Variants in MED22 observed in about 807,000 individuals in gnomAD.
MED22 encodes the protein mediator complex subunit 22, also known as mediator of RNA polymerase II transcription subunit 22.
MED22 carries 22 observed loss-of-function variants against 22.7 expected under a neutral mutation model. The observed-to-expected ratio is 0.97, with a 90% CI of 0.69 to 1.38. The LOEUF is 1.38. MED22 is among the 40% of genes most tolerant of loss of function. The pLI is 0.00. For synonymous variants in MED22, 134 were observed against 119.4 expected (o/e 1.12, Z -0.80); for missense variants, 247 against 263.0 (o/e 0.94, Z 0.42).
rs2129948011 is a variant in MED22 at position 133,341,380 on chromosome 9, T to A, written c.*125A>T. On this transcript the variant is annotated 3_prime_UTR_variant, in exon 5 of 5. Transcript: ENST00000343730. The stretch of plus-strand genomic sequence containing the variant: ...TGGGCTAACGGGCTTCCCAAGGAAG[T>A]CCTAGTGGCTCTGGGGTCCTGAAGT... 1.2e-5 allele frequency: 13 copies of A among 1,079,764 alleles called. No homozygotes were observed. The African/African-American group carries it at 2.0e-4, about 17-fold the overall frequency. The allele number at this position is 1,079,764 out of a possible 1,614,324, so 66.9% of individuals were successfully genotyped here. A position where few individuals can be genotyped will look rare whatever the true frequency, so the allele number is the denominator to read the frequency against.
At chr9:133,343,683 C>T in intron 4 of MED22, 1 of 1,259,602 alleles carries the variant, frequency 7.9e-7, no homozygotes. Flanking sequence ...GAATTGCATC[C>T]CTGGTGCCCT....
In MED22 at chr9:133,339,254, T is replaced by A; in HGVS notation, c.*2251A>T. 1.4e-6 allele frequency: 1 copy of A among 704,564 alleles called. No individual in the cohort carries two copies. Among genetic ancestry groups the A allele is most frequent in the Non-Finnish European group, 2.6e-6 (1 of 378,704 alleles). 43.6% of individuals were successfully genotyped at this position (704,564 alleles called of 1,614,324 possible). A position where few individuals can be genotyped will look rare whatever the true frequency, so the allele number is the denominator to read the frequency against. ...GCAAGATTCTTGCCAAGAGAATGAA[T>A]GTGCATATTCAGCACACTAAGCACT... On this transcript the variant is annotated 3_prime_UTR_variant, in exon 5 of 5. Transcript: ENST00000343730.
intron 2 of MED22, among the ~76,000 whole-genome samples, chr9:133,345,772 G>C (rs2129966169): frequency 3.9e-5 from 6 of 152,232 alleles, no homozygotes; most frequent in African/African-American, 1.4e-4. Context: ...GCCAAGCGAG[G>C]CTGGATGGGG....
Position 133,339,089 on chromosome 9 carries a change from G to T in MED22, c.*2416C>A. 1.5e-6 allele frequency: 1 copy of T among 678,886 alleles called. No homozygotes were observed. The highest frequency in any genetic ancestry group is 3.0e-5 in the East Asian group (1 of 33,308). 42.1% of individuals were successfully genotyped at this position (678,886 alleles called of 1,614,324 possible). A position where few individuals can be genotyped will look rare whatever the true frequency, so the allele number is the denominator to read the frequency against. On this transcript the variant is annotated 3_prime_UTR_variant, in exon 5 of 5. Transcript: ENST00000343730. ...TCCTTTGGCCAAGTATATGCAAATT[G>T]ATGAGAAAGGTGATATTGTAGATAT...
intron 4 of MED22, chr9:133,343,659 G>A (rs1032766771): frequency 3.9e-5 from 49 of 1,254,220 alleles, no homozygotes; most frequent in Middle Eastern, 6.1e-4. Flanking sequence ...CTGGGGTTTG[G>A]TGACATCCAC....
chr9:133,341,846 T>A, intron 4 of MED22, 152 bp from the exon 5 acceptor site: 3 of 1,398,498 alleles, frequency 2.1e-6, no homozygotes, highest in Non-Finnish European at 2.8e-6. Context: ...ATCTGTCCCC[T>A]GAGTTGGCAG....
rs1479465897 is a variant in MED22, at chr9:133,343,430, T to C, written c.413+695A>G. The C allele has an allele frequency of 7.3e-6, 9 of 1,226,316 alleles. No homozygotes were observed. The African/African-American group carries it at 1.2e-4, about 17-fold the overall frequency. The allele number at this position is 1,226,316 out of a possible 1,614,324, so 76.0% of individuals were successfully genotyped here. A position where few individuals can be genotyped will look rare whatever the true frequency, so the allele number is the denominator to read the frequency against. ...CTCAGGGCCCCTCCAGCTCAAACGG[T>C]CGAAGGTTTCAGCTTCTTACGGAGC... On this transcript the variant is annotated intron_variant, in intron 4 of 4. Coordinates refer to ENST00000343730, the MANE Select transcript of MED22 (RefSeq NM_133640.5).
chr9:133,346,019 C>G (rs185409739), intron 2 of MED22, among the ~76,000 whole-genome samples: 1 of 152,246 alleles, frequency 6.6e-6, no homozygotes. Context: ...AACCTCACAA[C>G]GTGGCTTGAT....
Position 133,339,008 on chromosome 9 carries a change from AAG to A in MED22, c.*2495_*2496del. ...CGCCAAAATGACGAACACAAAGGGA[AAG>A]AGGAGAGGCACCCAATATATGTTCT... is the stretch of plus-strand genomic sequence containing the variant. On this transcript the variant is annotated 3_prime_UTR_variant, in exon 5 of 5. Transcript: ENST00000343730. The A allele has an allele frequency of 1.2e-6, 1 of 838,214 alleles. No homozygotes were observed. Among genetic ancestry groups the A allele is most frequent in the East Asian group, 2.9e-5 (1 of 34,988 alleles). The allele number at this position is 838,214 out of a possible 1,614,324, so 51.9% of individuals were successfully genotyped here.
intron 4 of MED22, chr9:133,343,824 G>C: frequency 7.1e-7 from 1 of 1,405,566 alleles, no homozygotes; most frequent in East Asian, 2.5e-5. Context: ...AAGGCTCTCG[G>C]AAGAGGGCCT....
rs2129948558 is a variant in MED22 at position 133,341,495 on chromosome 9, C to A, written c.*10G>T. The A allele has an allele frequency of 6.7e-7, 1 of 1,483,302 alleles. No individual in the cohort carries two copies. The highest frequency in any genetic ancestry group is 1.4e-5 in the South Asian group (1 of 70,042). The allele number at this position is 1,483,302 out of a possible 1,614,324, so 91.9% of individuals were successfully genotyped here. A position where few individuals can be genotyped will look rare whatever the true frequency, so the allele number is the denominator to read the frequency against. On this transcript the variant is annotated 3_prime_UTR_variant, in exon 5 of 5. Transcript: ENST00000343730. ...TTTTGTTCCTGAGAACGAAGCGTGG[C>A]CCCGGAGGCTCAGGCGTGCTCAGTG...
At chr9:133,346,728 C>G in intron 1 of MED22, 28 bp from the exon 2 acceptor site, 1 of 1,573,798 alleles carries the variant, frequency 6.4e-7, no homozygotes, top group Non-Finnish European at 8.6e-7. Context: ...CCTCTGAGTG[C>G]AGGCAGAGTC....
Position 133,348,050 on chromosome 9 carries a change from T to C in MED22, c.-167A>G, listed in dbSNP as rs1836251714. 2.6e-6 allele frequency: 2 copies of C among 760,326 alleles called. No homozygotes were observed. Among genetic ancestry groups the C allele is most frequent in the Non-Finnish European group, 4.4e-6 (2 of 451,964 alleles). 47.1% of individuals were successfully genotyped at this position (760,326 alleles called of 1,614,324 possible). A position where few individuals can be genotyped will look rare whatever the true frequency, so the allele number is the denominator to read the frequency against. On this transcript the variant is annotated 5_prime_UTR_variant, in exon 1 of 5. Transcript: ENST00000343730. ...CCTGGCCCTCCCGCCGCAGTCTCTCTTCCCCGCCGCGCCGCGGTCCGAAAA... is the reference window on the plus strand; with the variant it reads ...CCTGGCCCTCCCGCCGCAGTCTCTCCTCCCCGCCGCGCCGCGGTCCGAAAA...
chr9:133,343,779 A>G, intron 4 of MED22: 1 of 1,356,124 alleles, frequency 7.4e-7, no homozygotes, highest in Non-Finnish European at 9.5e-7. Flanking sequence ...AGGTAACAGG[A>G]GCAGCACAGC....
intron 1 of MED22, 51 bp from the exon 2 acceptor site, chr9:133,346,751 C>T: frequency 2.7e-6 from 4 of 1,479,974 alleles, no homozygotes; most frequent in Non-Finnish European, 2.7e-6. Flanking sequence ...CCCCAGCCAC[C>T]CTCTATGCCC....
In MED22 at chr9:133,341,639, C is replaced by T; in HGVS notation, c.469G>A (p.Asp157Asn). 1 of 1,606,414 alleles carries T rather than the reference C, an allele frequency of 6.2e-7. No homozygotes were observed. Among genetic ancestry groups the T allele is most frequent in the Non-Finnish European group, 8.5e-7 (1 of 1,176,830 alleles). Residue 157 changes from aspartate (D) to asparagine (N), a missense_variant, in exon 5 of 5, where the codon GAC becomes AAC. By Grantham distance (23) the Asp-to-Asn change is conservative. Transcript: ENST00000343730. ...CCATCAGCAGAGTCTGTGTCGAGGT[C>T]CAGCCTCCCGTAAGCTTCGCACAGA... is the stretch of plus-strand genomic sequence containing the variant. ...LPLCEAYGRL[D>N]LDTDSADGLS...
intron 4 of MED22, chr9:133,342,569 G>A: frequency 2.0e-5 from 20 of 986,652 alleles, no homozygotes; most frequent in Non-Finnish European, 2.4e-5. Context: ...GGCAGGGCAG[G>A]GAGCGGAGCG....
chr9:133,347,673 C>G lies in MED22; in HGVS notation c.-39+249G>C, dbSNP rs2129973129. ...GCCTCGGCGCTGGAGTTGCCTGGCC[C>G]TGGGGCCGGGCCTTTGCGCGCGGTG... On this transcript the variant is annotated intron_variant, in intron 1 of 4. Coordinates refer to ENST00000343730, the MANE Select transcript of MED22 (RefSeq NM_133640.5). The G allele has an allele frequency of 1.8e-4, 28 of 152,878 alleles. No homozygotes were observed. The South Asian group carries it at 5.3e-3, about 29-fold the overall frequency. The allele number at this position is 152,878 out of a possible 1,614,324, so 9.5% of individuals were successfully genotyped here.
At chr9:133,346,374 G>C (rs1836179392) in intron 2 of MED22, 166 bp downstream of exon 2, 1 of 781,332 alleles carries the variant, frequency 1.3e-6, no homozygotes, top group Non-Finnish European at 2.1e-6. Context: ...CTGTTAGTAA[G>C]GGCTGGACGT....
Sources: gnomAD v4.1 joint callset for allele counts (sites outside exome capture counted in the v4.1 genomes callset) on GRCh38, gnomAD v4.1.1 for gene constraint, MANE v1.5 for transcripts, NCBI Gene and HGNC (gene_info 2026-07-23, HGNC 2026-07-21) for gene names.